The following EPB41L3 variants were observed in gnomAD, a reference collection of about 807,000 sequenced individuals.
EPB41L3 encodes band 4.1-like protein 3.
Under a neutral mutation model 127.1 loss-of-function variants are expected in EPB41L3, and 57 were observed. That is an observed-to-expected ratio of 0.45 (90% confidence interval 0.36 to 0.56). The LOEUF is 0.56. Among genes scored for constraint, EPB41L3 ranks in the 20% least tolerant of loss-of-function variants. The probability of loss-of-function intolerance (pLI) is 0.00; values close to 1 mark genes in which losing one functional copy is unlikely to be tolerated. For synonymous variants in EPB41L3, 572 were observed against 549.5 expected (o/e 1.04, Z -0.57); for missense variants, 1,273 against 1,372.2 (o/e 0.93, Z 1.14).
At chr18:5,519,134 G>T (rs73381518) in intron 1 of EPB41L3, among the ~76,000 whole-genome samples, 1,642 of 152,278 alleles carry the variant, frequency 0.011, 27 homozygotes, top group African/African-American at 0.038. Context: ...AGAAAACGAC[G>T]AGTGAAACAA....
At chr18:5,399,151 T>C in intron 16 of EPB41L3, 1 of 399,078 alleles carries the variant, frequency 2.5e-6, no homozygotes, top group Non-Finnish European at 4.4e-6. Flanking sequence ...CCGGAGACAG[T>C]GTCATAGGAT....
At chr18:5,613,308 T>C (rs181416825) in intron 2 of EPB41L3, among the ~76,000 whole-genome samples, 2 of 152,322 alleles carry the variant, frequency 1.3e-5, no homozygotes, top group East Asian at 1.9e-4. Flanking sequence ...TAAAAGACCT[T>C]TGAGAAACAC....
intron 1 of EPB41L3, among the ~76,000 whole-genome samples, chr18:5,537,969 T>C (rs535204056): frequency 1.4e-4 from 21 of 152,286 alleles, no homozygotes; most frequent in Admixed American, 6.5e-4. Context: ...TTTCAAAAAA[T>C]TGCATAGCCA....
intron 1 of EPB41L3, among the ~76,000 whole-genome samples, chr18:5,501,515 G>A (rs1221731374): frequency 1.3e-5 from 2 of 152,100 alleles, no homozygotes; most frequent in Admixed American, 6.6e-5. Flanking sequence ...CACTCCTTTC[G>A]ATCTCAACAT....
At chr18:5,403,835 T>C (rs181148229) in intron 16 of EPB41L3, among the ~76,000 whole-genome samples, 5 of 152,286 alleles carry the variant, frequency 3.3e-5, no homozygotes, top group African/African-American at 1.2e-4. Context: ...GTAACTTATT[T>C]TAAAAAATAT....
At chr18:5,464,814 G>T (rs1446701354) in intron 3 of EPB41L3, among the ~76,000 whole-genome samples, 1 of 152,180 alleles carries the variant, frequency 6.6e-6, no homozygotes, top group Non-Finnish European at 1.5e-5. Flanking sequence ...AGCAGAACTA[G>T]AAAGAATGTC....
intron 12 of EPB41L3, among the ~76,000 whole-genome samples, chr18:5,418,778 CA>C (rs1568074552): frequency 1.3e-5 from 2 of 152,148 alleles, no homozygotes; most frequent in African/African-American, 4.8e-5. Context: ...AAATTCTCAT[CA>C]AAAGGAACAC....
chr18:5,505,241 T>C (rs924750539), intron 1 of EPB41L3, among the ~76,000 whole-genome samples: 2 of 151,970 alleles, frequency 1.3e-5, no homozygotes, highest in African/African-American at 4.8e-5. Flanking sequence ...CATCCCTGAG[T>C]CTTCCAGAAC....
At chr18:5,561,039 G>A (rs60859824) in intron 3 of EPB41L3, among the ~76,000 whole-genome samples, 44 of 140,824 alleles carry the variant, frequency 3.1e-4, no homozygotes, top group African/African-American at 1.0e-3. Flanking sequence ...GTGCAGTGGC[G>A]CGATCGCGGC....
intron 3 of EPB41L3, among the ~76,000 whole-genome samples, chr18:5,475,956 CTTCT>C (rs1170661149): frequency 1.3e-5 from 2 of 152,080 alleles, no homozygotes; most frequent in Non-Finnish European, 2.9e-5. Context: ...TATGCTTCCC[CTTCT>C]CTGTTTACCT....
chr18:5,462,325 T>C (rs28439720), intron 3 of EPB41L3, among the ~76,000 whole-genome samples: 40,095 of 151,990 alleles, frequency 0.26, 6,499 homozygotes, highest in East Asian at 0.48. Context: ...CCAAATTAAA[T>C]AAATAAAAGG....
intron 1 of EPB41L3, among the ~76,000 whole-genome samples, chr18:5,529,968 G>A (rs2093359656): frequency 6.7e-6 from 1 of 149,916 alleles, no homozygotes; most frequent in Admixed American, 6.7e-5. Context: ...GTGTATCTCA[G>A]GGAACAGCAA....
chr18:5,588,544 T>C (rs1375371149), intron 3 of EPB41L3, among the ~76,000 whole-genome samples: 1 of 151,844 alleles, frequency 6.6e-6, no homozygotes, highest in African/African-American at 2.4e-5. Flanking sequence ...TGTATATATA[T>C]ATATACACAT....
intron 20 of EPB41L3, 60 bp from the exon 21 acceptor site, chr18:5,395,207 A>G: frequency 7.0e-7 from 1 of 1,437,200 alleles, no homozygotes; most frequent in South Asian, 1.1e-5. Context: ...ATCATGGTTC[A>G]GTAGGGGGAA....
chr18:5,449,443 A>G (rs927813661), intron 3 of EPB41L3, among the ~76,000 whole-genome samples: 1 of 152,156 alleles, frequency 6.6e-6, no homozygotes, highest in Non-Finnish European at 1.5e-5. Flanking sequence ...AACTAAACCT[A>G]TTCTTGCAGT....
At chr18:5,630,491 C>T (rs1450793053), upstream of EPB41L3, 3 of 518,738 alleles carry the variant, frequency 5.8e-6, no homozygotes, top group South Asian at 4.2e-5. Flanking sequence ...TAGGGCTGCT[C>T]ACAGGTCCCT....
intron 1 of EPB41L3, among the ~76,000 whole-genome samples, chr18:5,497,403 G>A (rs868103008): frequency 2.0e-5 from 3 of 152,190 alleles, no homozygotes; most frequent in African/African-American, 4.8e-5. Flanking sequence ...CAAGGTAGCA[G>A]GTGAGGGAAC....
chr18:5,522,305 G>T (rs959866653), intron 1 of EPB41L3, among the ~76,000 whole-genome samples: 1 of 151,934 alleles, frequency 6.6e-6, no homozygotes, highest in Non-Finnish European at 1.5e-5. Flanking sequence ...TGTATTTTTA[G>T]TAGAGATGGA....
chr18:5,466,635 C>A (rs1197884918), intron 3 of EPB41L3, among the ~76,000 whole-genome samples: 4 of 152,164 alleles, frequency 2.6e-5, no homozygotes, highest in Admixed American at 1.3e-4. Context: ...TTTCACCAGA[C>A]CTCAACTCTG....
Sources: gnomAD v4.1 joint callset for allele counts (sites outside exome capture counted in the v4.1 genomes callset) on GRCh38, gnomAD v4.1.1 for gene constraint, MANE v1.5 for transcripts, NCBI Gene and HGNC (gene_info 2026-07-23, HGNC 2026-07-21) for gene names.